RYR2: variants seen among roughly 807,000 people sequenced by gnomAD.
RYR2 encodes the protein cardiac muscle ryanodine receptor-calcium release channel.
Under a neutral mutation model 601.1 loss-of-function variants are expected in RYR2, and 227 were observed. The observed-to-expected ratio is 0.38, with a 90% confidence interval of 0.34 to 0.42. The LOEUF (loss-of-function observed/expected upper bound fraction) is 0.42. Ranked by LOEUF, RYR2 falls within the 10% of genes least tolerant of loss-of-function variation. RYR2 has a pLI of 1.00. For synonymous variants in RYR2, 2,223 were observed against 2,175.1 expected (o/e 1.02, Z -0.61); for missense variants, 4,646 against 6,156.5 (o/e 0.75, Z 8.21).
rs953871767 is a variant in RYR2, at chr1:237,791,752, T to C, written c.13563+237T>C. 5.3e-6 allele frequency: 3 copies of C among 567,386 alleles called. No individual in the cohort carries two copies. In the African/African-American group the frequency reaches 5.6e-5, roughly 11 times the overall value. 35.1% of individuals were successfully genotyped at this position (567,386 alleles called of 1,614,324 possible). A position where few individuals can be genotyped will look rare whatever the true frequency, so the allele number is the denominator to read the frequency against. On this transcript the variant is annotated intron_variant, in intron 93 of 104. Transcript: ENST00000366574. The stretch of plus-strand genomic sequence containing the variant: ...GATTTAGCAGAGGGCTTCCCCACAG[T>C]ATTCCCAGCCTAATTTAGCTGAATA...
intron 1 of RYR2, among the ~76,000 whole-genome samples, chr1:237,243,281 C>T (rs1686413553): frequency 6.6e-6 from 1 of 152,182 alleles, no homozygotes; most frequent in Non-Finnish European, 1.5e-5. Context: ...CCCAGTAACC[C>T]TGGACACCAG....
Position 237,252,475 on chromosome 1 carries a change from T to C in RYR2, c.49-18022T>C, listed in dbSNP as rs559624729. Among the ~76,000 whole-genome samples the C allele has an allele frequency of 6.6e-5, 10 of 152,320 alleles. No individual in the cohort carries two copies. The South Asian group carries it at 2.1e-3, about 32-fold the overall frequency. Reference sequence around the variant, plus strand: ...CTGTCGTTAGAATTCCTGGCTTTTATCACGAGCTGACATTACATTTTGTAA... The same window carrying C: ...CTGTCGTTAGAATTCCTGGCTTTTACCACGAGCTGACATTACATTTTGTAA... On this transcript the variant is annotated intron_variant, in intron 1 of 104. Transcript: ENST00000366574.
chr1:237,741,693 C>T (rs1452084951), intron 79 of RYR2, among the ~76,000 whole-genome samples: 1 of 152,168 alleles, frequency 6.6e-6, no homozygotes, highest in East Asian at 1.9e-4. Context: ...CCTCCGCCTC[C>T]TGGGTTCAAG....
Position 237,648,497 on chromosome 1 carries a change from G to A in RYR2, c.7396G>A (p.Ala2466Thr). 1.2e-6 allele frequency: 2 copies of A among 1,611,082 alleles called. No homozygotes were observed. The highest frequency in any genetic ancestry group is 1.7e-6 in the Non-Finnish European group (2 of 1,178,564). Residue 2466 changes from alanine to threonine, a missense_variant, in exon 49 of 105, where the codon GCA (alanine) becomes ACA (threonine). Coordinates refer to ENST00000366574, the MANE Select transcript of RYR2 (RefSeq NM_001035.3). ...MSAGFCPDHK[A>T]AMVLFLDRVY... ...TGCGGGGTTTTGCCCAGATCACAAG[G>A]CAGCCATGGTTTTATTCCTTGACAG...
At chr1:237,135,580 C>T (rs1571968379) in intron 1 of RYR2, among the ~76,000 whole-genome samples, 1 of 148,752 alleles carries the variant, frequency 6.7e-6, no homozygotes, top group South Asian at 2.1e-4. Flanking sequence ...TTTTCACCTC[C>T]TTAACCAGAA....
At chr1:237,128,592 A>C (rs1671801374) in intron 1 of RYR2, among the ~76,000 whole-genome samples, 1 of 152,182 alleles carries the variant, frequency 6.6e-6, no homozygotes, top group East Asian at 1.9e-4. Flanking sequence ...AATTTGGACC[A>C]TGACTTTGAG....
At chr1:237,374,103 C>T (rs1700845006) in intron 6 of RYR2, among the ~76,000 whole-genome samples, 1 of 152,158 alleles carries the variant, frequency 6.6e-6, no homozygotes, top group Non-Finnish European at 1.5e-5. Context: ...TGTTCTGCCT[C>T]ACAGACATTT....
chr1:237,631,409 G>GTCCA lies in RYR2; in HGVS notation c.6441-16_6441-13dup, dbSNP rs1230299871. ...TGTTGCTCTGAGCTTTACCCCATAC[G>GTCCA]TCCATTGTCCTTTCTAGGGATATTA... On this transcript the variant is annotated splice_polypyrimidine_tract_variant and intron_variant, in intron 41 of 104. Coordinates refer to ENST00000366574, the MANE Select transcript of RYR2 (RefSeq NM_001035.3). 2.0e-6 allele frequency: 3 copies of GTCCA among 1,508,912 alleles called. No individual in the cohort carries two copies. In the Admixed American group the frequency reaches 5.1e-5, roughly 26 times the overall value. 93.5% of individuals were successfully genotyped at this position (1,508,912 alleles called of 1,614,324 possible).
intron 98 of RYR2, among the ~76,000 whole-genome samples, chr1:237,803,479 T>G (rs1660230755): frequency 6.6e-6 from 1 of 152,100 alleles, no homozygotes; most frequent in African/African-American, 2.4e-5. Flanking sequence ...TTTTTGTACT[T>G]TTAGTAGAGA....
chr1:237,803,003 A>G (rs554868361), intron 98 of RYR2, among the ~76,000 whole-genome samples: 97 of 152,260 alleles, frequency 6.4e-4, no homozygotes, highest in African/African-American at 2.2e-3. Context: ...ACCTCTCAAC[A>G]TGCATTCATT....
intron 14 of RYR2, among the ~76,000 whole-genome samples, chr1:237,448,665 A>T (rs1657686814): frequency 6.6e-6 from 1 of 151,942 alleles, no homozygotes; most frequent in Admixed American, 6.6e-5. Context: ...AAGCTCCGTT[A>T]TTAAGTGCAT....
At chr1:237,418,694 C>G (rs1435154194) in intron 11 of RYR2, among the ~76,000 whole-genome samples, 2 of 151,814 alleles carry the variant, frequency 1.3e-5, no homozygotes, top group Non-Finnish European at 2.9e-5. Context: ...TCAGTCTTTC[C>G]TTTTCACTAC....
intron 1 of RYR2, among the ~76,000 whole-genome samples, chr1:237,072,274 C>A (rs1036022307): frequency 6.6e-6 from 1 of 152,348 alleles, no homozygotes; most frequent in East Asian, 1.9e-4. Context: ...CCACCGCCGC[C>A]ATCACTGGGA....
chr1:237,162,212 G>A (rs1001003903), intron 1 of RYR2, among the ~76,000 whole-genome samples: 14 of 152,284 alleles, frequency 9.2e-5, no homozygotes, highest in African/African-American at 2.2e-4. Context: ...CTCTGGGGAG[G>A]AGAAGTTTGC....
At chr1:237,473,009 A>T (rs10754606) in intron 17 of RYR2, among the ~76,000 whole-genome samples, 68,466 of 150,146 alleles carry the variant, frequency 0.46, 17,215 homozygotes, top group East Asian at 0.68. Context: ...TTTTTTTTTT[A>T]AATTGCTTTT....
At chr1:237,082,198 ACT>A (rs1373144027) in intron 1 of RYR2, among the ~76,000 whole-genome samples, 1 of 151,956 alleles carries the variant, frequency 6.6e-6, no homozygotes. Flanking sequence ...TAACTTATTG[ACT>A]CTTCACAGGA....
chr1:237,746,676 TTTAG>T lies in RYR2; in HGVS notation c.11145+4331_11145+4334del, dbSNP rs1481879712. ...ACTTATTAAATAACTTTATTGCATATTTAGTTAATTATTTTTTAGGTTTGGAGCT... is the reference window on the plus strand; with the variant it reads ...ACTTATTAAATAACTTTATTGCATATTTAATTATTTTTTAGGTTTGGAGCT... On this transcript the variant is annotated intron_variant, in intron 80 of 104. Coordinates refer to ENST00000366574, the MANE Select transcript of RYR2 (RefSeq NM_001035.3). 7.2e-5 allele frequency among the ~76,000 whole-genome samples: 11 copies of T among 152,240 alleles called. No individual in the cohort carries two copies. In the East Asian group the frequency reaches 2.1e-3, roughly 29 times the overall value.
At chr1:237,055,985 C>T (rs1048020531) in intron 1 of RYR2, among the ~76,000 whole-genome samples, 2 of 150,840 alleles carry the variant, frequency 1.3e-5, no homozygotes, top group Non-Finnish European at 3.0e-5. Context: ...GACTGGAGCA[C>T]TGCATCTGTG....
Position 237,350,602 on chromosome 1 carries a change from AATATATATATATATATAT to A in RYR2, c.274-5348_274-5331del, listed in dbSNP as rs1177777241. ...AAAAAAAAAAAAAAAAAAAAAAAAAAATATATATATATATATATATATATATATATATCTCTGACCTCT... is the reference window on the plus strand; with the variant it reads ...AAAAAAAAAAAAAAAAAAAAAAAAAAATATATATATATATCTCTGACCTCT... On this transcript the variant is annotated intron_variant, in intron 3 of 104. Transcript: ENST00000366574. Among the ~76,000 whole-genome samples, 148 of 37,006 alleles carry A rather than the reference AATATATATATATATATAT, an allele frequency of 4.0e-3. 1 individual carries two copies. Among genetic ancestry groups the A allele is most frequent in the Non-Finnish European group, 6.3e-3 (125 of 19,876 alleles). 24.3% of individuals were successfully genotyped at this position (37,006 alleles called of 152,430 possible).
Sources: gnomAD v4.1 joint callset for allele counts (sites outside exome capture counted in the v4.1 genomes callset) on GRCh38, gnomAD v4.1.1 for gene constraint, MANE v1.5 for transcripts, NCBI Gene and HGNC (gene_info 2026-07-23, HGNC 2026-07-21) for gene names.